The following ERAP2 variants were observed in gnomAD, a reference collection of about 807,000 sequenced individuals.
ERAP2 encodes the protein leukocyte-derived arginine aminopeptidase.
In ERAP2, 118 loss-of-function variants were observed where a neutral mutation model predicts 111.1. The ratio of observed to expected loss-of-function variants is 1.06; its 90% CI spans 0.92 to 1.24. The LOEUF (loss-of-function observed/expected upper bound fraction) is 1.24, where lower values mean the gene tolerates loss of function less well. ERAP2 is among the 50% of genes most tolerant of loss of function. ERAP2 has a pLI of 0.00. For synonymous variants in ERAP2, 410 were observed against 401.2 expected, an observed-to-expected ratio of 1.02 and a Z score of -0.26; for missense variants, 1,131 against 1,125.8, an observed-to-expected ratio of 1.00 and a Z score of -0.07.
Position 96,909,072 on chromosome 5 carries a change from CAT to C in ERAP2, c.2125_2126del (p.Met709AspfsTer11), listed in dbSNP as rs779247208. The C allele has an allele frequency of 6.8e-6, 11 of 1,614,132 alleles. No homozygotes were observed. The African/African-American group carries it at 9.3e-5, about 14-fold the overall frequency. On this transcript the variant is annotated frameshift_variant, in exon 14 of 19. Transcript: ENST00000437043. LOFTEE classifies it high-confidence loss of function. Reference protein sequence around the residue: ...GLSYLESFYHMMDRRNISDIS... With the variant: ...GLSYLESFYHXMDRRNISDIS... ...TGAGTTACTTGGAATCGTTTTACCA[CAT>C]GATGGACAGAAGGAATATTTCAGAT... is the stretch of plus-strand genomic sequence containing the variant.
chr5:96,910,108 T>A (rs545635954), intron 15 of ERAP2: 1 of 186,774 alleles, frequency 5.4e-6, no homozygotes, highest in Non-Finnish European at 1.2e-5. Context: ...GCACTAAAAA[T>A]GCAAAAATTA....
At chr5:96,908,699 G>A (rs185874163) in intron 13 of ERAP2, among the ~76,000 whole-genome samples, 1 of 152,168 alleles carries the variant, frequency 6.6e-6, no homozygotes, top group Non-Finnish European at 1.5e-5. Context: ...TAAAATATTA[G>A]GTCATTAATC....
Position 96,908,985 on chromosome 5 carries a change from A to T in ERAP2, c.2037A>T (p.Lys679Asn). 1.2e-6 allele frequency: 2 copies of T among 1,614,130 alleles called. No homozygotes were observed. The highest frequency in any genetic ancestry group is 1.7e-6 in the Non-Finnish European group (2 of 1,180,000). ...LVGAGRLTLD[K>N]ALDMTYYLQH... ...GTGCAGGGAGACTGACCCTAGACAA[A>T]GCTCTTGACATGACTTACTACCTCC... Residue 679 changes from lysine (K) to asparagine (N), a missense_variant, in exon 14 of 19, where the codon AAA becomes AAT. By Grantham distance (94) the Lys-to-Asn change is moderately conservative (BLOSUM62 0). Coordinates refer to ENST00000437043, the MANE Select transcript of ERAP2 (RefSeq NM_022350.5).
chr5:96,916,860 A>T (rs1402381443), intron 18 of ERAP2, among the ~76,000 whole-genome samples: 1 of 151,888 alleles, frequency 6.6e-6, no homozygotes, highest in African/African-American at 2.4e-5. Flanking sequence ...GAATTCCTGA[A>T]CTTAAATCCC....
intron 18 of ERAP2, among the ~76,000 whole-genome samples, chr5:96,917,113 G>T (rs1480391223): frequency 1.3e-5 from 2 of 152,026 alleles, no homozygotes; most frequent in Non-Finnish European, 2.9e-5. Context: ...TGGTTTTATT[G>T]TTTCTTTATT....
At chr5:96,901,455 C>T in intron 10 of ERAP2, 51 bp from the exon 11 acceptor site, 2 of 1,583,894 alleles carry the variant, frequency 1.3e-6, no homozygotes, top group Middle Eastern at 3.4e-4. Context: ...GTCCCTCTGT[C>T]TTTGGATTGT....
chr5:96,886,743 T>C lies in ERAP2; in HGVS notation c.803T>C (p.Val268Ala). The change falls in exon 4 of 19, where the codon GTT becomes GCT. Residue 268 changes from valine to alanine, a missense_variant. This residue lies in a region of ERAP2 where 847 missense variants were observed against 856.5 expected (regional missense o/e 0.99). Coordinates refer to ENST00000437043, the MANE Select transcript of ERAP2 (RefSeq NM_022350.5). ...KMSTYLVAYIVCDFHSLSGFT... is the reference protein window; with the variant it reads ...KMSTYLVAYIACDFHSLSGFT... ...AGTACATACCTTGTAGCCTACATAG[T>C]TTGTGATTTCCACTCTCTGAGTGGC... 1.3e-6 allele frequency: 2 copies of C among 1,533,636 alleles called. No homozygotes were observed. The highest frequency in any genetic ancestry group is 1.8e-6 in the Non-Finnish European group (2 of 1,124,232).
rs141724228 is a variant in ERAP2 at position 96,903,543 on chromosome 5, T to G, written c.1995T>G (p.Asp665Glu). The G allele has an allele frequency of 6.2e-7, 1 of 1,605,172 alleles. No homozygotes were observed. The highest frequency in any genetic ancestry group is 1.3e-5 in the African/African-American group (1 of 74,596). The change falls in exon 13 of 19, where the codon GAT (aspartate) becomes GAG (glutamate). Residue 665 changes from aspartate to glutamate, a missense_variant. Asp to Glu is a conservative substitution (Grantham distance 45). Transcript: ENST00000437043. The stretch of plus-strand genomic sequence containing the variant: ...AGGACAGAGTAGGTCTGATTCATGA[T>G]GTGTTTCAGCTAGTTGGGTAAGGCA... ...RPKDRVGLIH[D>E]VFQLVGAGRL...
chr5:96,900,248 G>A, intron 10 of ERAP2, 59 bp downstream of exon 10: 1 of 1,606,514 alleles, frequency 6.2e-7, no homozygotes, highest in South Asian at 1.1e-5. Flanking sequence ...GACCTAGAGT[G>A]AGTATGACAT....
At chr5:96,914,602 C>T (rs918538753) in intron 17 of ERAP2, among the ~76,000 whole-genome samples, 2 of 152,218 alleles carry the variant, frequency 1.3e-5, no homozygotes, top group Admixed American at 1.3e-4. Context: ...GATGCCCCTG[C>T]CCAACCATGT....
At chr5:96,888,309 G>T (rs1021882577) in intron 4 of ERAP2, among the ~76,000 whole-genome samples, 1 of 152,148 alleles carries the variant, frequency 6.6e-6, no homozygotes, top group Non-Finnish European at 1.5e-5. Flanking sequence ...ACATGGATGT[G>T]CAGGAGGTGA....
intron 10 of ERAP2, 120 bp from the exon 11 acceptor site, chr5:96,901,386 A>C: frequency 9.3e-7 from 1 of 1,076,732 alleles, no homozygotes; most frequent in East Asian, 2.4e-5. Context: ...CTGAGATACC[A>C]GTCCGAGTCT....
chr5:96,917,360 A>G (rs1487711504), intron 18 of ERAP2, 102 bp from the exon 19 acceptor site: 1 of 1,071,062 alleles, frequency 9.3e-7, no homozygotes, highest in Non-Finnish European at 1.4e-6. Context: ...AGCTCAATTG[A>G]TCTGCCCACC....
intron 5 of ERAP2, among the ~76,000 whole-genome samples, chr5:96,891,396 T>TAC (rs898034372): frequency 4.0e-5 from 6 of 149,766 alleles, no homozygotes; most frequent in African/African-American, 7.4e-5. Flanking sequence ...TGTGTATACA[T>TAC]ACACACACAC....
chr5:96,885,602 C>T (rs1255408979), intron 3 of ERAP2, among the ~76,000 whole-genome samples: 1 of 152,180 alleles, frequency 6.6e-6, no homozygotes. Flanking sequence ...TTTTCTCTTG[C>T]CAAAGCAAAT....
At chr5:96,889,921 A>G (rs1366684211) in intron 5 of ERAP2, among the ~76,000 whole-genome samples, 1 of 152,124 alleles carries the variant, frequency 6.6e-6, no homozygotes, top group Non-Finnish European at 1.5e-5. Flanking sequence ...TTATTTGTAC[A>G]AGGTCAGCAA....
intron 9 of ERAP2, 102 bp downstream of exon 9, chr5:96,896,965 T>TAAGTCATATGTTGGGTGACGATAGACTG: frequency 1.0e-6 from 1 of 987,684 alleles, no homozygotes; most frequent in Middle Eastern, 3.8e-4. Context: ...GTCAACCATA[T>TAAGTCATATGTTGGGTGACGATAGACTG]TTATTCTGCT....
intron 15 of ERAP2, among the ~76,000 whole-genome samples, chr5:96,911,757 C>T (rs956820298): frequency 7.7e-4 from 117 of 151,512 alleles, no homozygotes; most frequent in African/African-American, 2.7e-3. Context: ...CCTATAATCA[C>T]AGCTGCTCAG....
At chr5:96,903,657 T>C in intron 13 of ERAP2, 97 bp downstream of exon 13, 10 of 1,149,276 alleles carry the variant, frequency 8.7e-6, no homozygotes, top group Non-Finnish European at 1.2e-5. Flanking sequence ...GTCATTGATT[T>C]AATATGGATT....
Sources: allele counts gnomAD v4.1 joint callset (sites outside exome capture counted in the v4.1 genomes callset), GRCh38; gene constraint gnomAD v4.1.1; regional missense constraint gnomAD v4.1.1; transcripts MANE v1.5; gene names NCBI Gene and HGNC (gene_info 2026-07-23, HGNC 2026-07-21).